CDK14: variants seen among roughly 807,000 people sequenced by gnomAD.
The protein encoded by CDK14 is cyclin-dependent kinase 14.
Under a neutral mutation model 60.7 loss-of-function variants are expected in CDK14, and 34 were observed. The ratio of observed to expected loss-of-function variants is 0.56; its 90% CI spans 0.43 to 0.75. The LOEUF (loss-of-function observed/expected upper bound fraction) is 0.75. Among genes scored for constraint, CDK14 ranks in the 30% least tolerant of loss-of-function variants. CDK14 has a pLI of 0.00. For synonymous variants in CDK14, 197 were observed against 203.7 expected, an observed-to-expected ratio of 0.97 and a Z score of 0.28; for missense variants, 482 against 564.1, an observed-to-expected ratio of 0.85 and a Z score of 1.47.
chr7:91,101,270 G>A (rs1799139998), intron 12 of CDK14, among the ~76,000 whole-genome samples: 1 of 152,162 alleles, frequency 6.6e-6, no homozygotes, highest in Non-Finnish European at 1.5e-5. Context: ...TAAGATGTAA[G>A]TATCAGAAGT....
chr7:91,107,631 A>G (rs767681198), intron 12 of CDK14: 2 of 152,244 alleles, frequency 1.3e-5, no homozygotes, highest in Non-Finnish European at 2.9e-5. Flanking sequence ...TCGTTGTCCA[A>G]GCATTAAAGT....
chr7:90,970,029 C>T (rs937262726), intron 9 of CDK14, among the ~76,000 whole-genome samples: 5 of 149,702 alleles, frequency 3.3e-5, no homozygotes, highest in Non-Finnish European at 5.9e-5. Context: ...TGCAGTGGCA[C>T]AATCTCGGCT....
intron 5 of CDK14, among the ~76,000 whole-genome samples, chr7:90,853,752 T>C (rs1375503412): frequency 6.6e-6 from 1 of 152,178 alleles, no homozygotes; most frequent in African/African-American, 2.4e-5. Context: ...TAAATATGTA[T>C]TGGGTGATTC....
chr7:90,835,318 C>T (rs764420150), intron 5 of CDK14, among the ~76,000 whole-genome samples: 3 of 151,824 alleles, frequency 2.0e-5, no homozygotes, highest in Non-Finnish European at 4.4e-5. Flanking sequence ...GAGTGGAGAA[C>T]TTGAAGTCAA....
chr7:90,598,652 T>C (rs1799245426), intron 1 of CDK14, among the ~76,000 whole-genome samples: 1 of 151,922 alleles, frequency 6.6e-6, no homozygotes. Flanking sequence ...CTTGATGTTT[T>C]ATATTGTATT....
intron 14 of CDK14, among the ~76,000 whole-genome samples, chr7:91,175,354 A>T (rs1801694978): frequency 1.3e-5 from 2 of 152,322 alleles, no homozygotes; most frequent in Middle Eastern, 3.4e-3. Context: ...CTGCAAAATC[A>T]TGCCAAAATG....
At position 91,045,933 on chromosome 7, in the gene CDK14, GTTCATTCT is replaced by G; in HGVS notation, c.1081_1088del (p.His361ThrfsTer4). The stretch of plus-strand genomic sequence containing the variant: ...ACCAAATGAGGACACATGGCCTGGA[GTTCATTCT>G]TTACCACATTTTAAGCCAGGTATGT... On this transcript the variant is annotated frameshift_variant, in exon 11 of 15. Coordinates refer to ENST00000380050, the MANE Select transcript of CDK14 (RefSeq NM_001287135.2). LOFTEE classifies it high-confidence loss of function. 6.2e-7 allele frequency: 1 copy of G among 1,611,538 alleles called. No individual in the cohort carries two copies. The highest frequency in any genetic ancestry group is 8.5e-7 in the Non-Finnish European group (1 of 1,177,778).
chr7:90,627,236 G>T (rs1376431872), intron 2 of CDK14, among the ~76,000 whole-genome samples: 6 of 151,386 alleles, frequency 4.0e-5, no homozygotes, highest in Non-Finnish European at 8.8e-5. Context: ...TTTTTGACAG[G>T]GTCTCCTTTT....
At chr7:90,879,087 G>T (rs1791657573) in intron 6 of CDK14, among the ~76,000 whole-genome samples, 1 of 152,206 alleles carries the variant, frequency 6.6e-6, no homozygotes, top group African/African-American at 2.4e-5. Flanking sequence ...TTGAGCAAAA[G>T]TTACTTGTTA....
chr7:90,617,993 G>A (rs925130017), intron 2 of CDK14, among the ~76,000 whole-genome samples: 3 of 152,262 alleles, frequency 2.0e-5, no homozygotes, highest in East Asian at 3.9e-4. Context: ...CTTTCAATGG[G>A]TGTAAATTGC....
At chr7:90,905,784 G>A (rs894291342) in intron 7 of CDK14, among the ~76,000 whole-genome samples, 2 of 152,122 alleles carry the variant, frequency 1.3e-5, no homozygotes, top group Non-Finnish European at 2.9e-5. Context: ...AAGTCACATA[G>A]GTTCATCATC....
intron 8 of CDK14, among the ~76,000 whole-genome samples, chr7:90,944,955 G>T (rs559474926): frequency 2.0e-5 from 3 of 152,274 alleles, no homozygotes; most frequent in South Asian, 2.1e-4. Context: ...TAATTTTGAA[G>T]GATATGTAGG....
At chr7:90,646,316 T>C (rs1438561921) in intron 2 of CDK14, among the ~76,000 whole-genome samples, 1 of 136,488 alleles carries the variant, frequency 7.3e-6, no homozygotes, top group East Asian at 2.3e-4. Flanking sequence ...TTTTTTTTTT[T>C]AATTCTGCTG....
At chr7:91,150,725 T>C (rs984789769) in intron 14 of CDK14, among the ~76,000 whole-genome samples, 1 of 152,228 alleles carries the variant, frequency 6.6e-6, no homozygotes, top group African/African-American at 2.4e-5. Flanking sequence ...CATGTTAGAA[T>C]TACTGTTAAT....
At chr7:91,137,936 A>G (rs1313475194) in intron 14 of CDK14, among the ~76,000 whole-genome samples, 1 of 152,190 alleles carries the variant, frequency 6.6e-6, no homozygotes, top group East Asian at 1.9e-4. Flanking sequence ...CAACATTAAC[A>G]CAACTCTGGC....
intron 5 of CDK14, among the ~76,000 whole-genome samples, chr7:90,792,529 A>T (rs948242196): frequency 5.9e-5 from 9 of 152,096 alleles, no homozygotes; most frequent in Admixed American, 5.9e-4. Context: ...AAATGAAACC[A>T]TGTTCTCCCT....
intron 5 of CDK14, among the ~76,000 whole-genome samples, chr7:90,821,218 A>G (rs1192311796): frequency 6.6e-6 from 1 of 152,146 alleles, no homozygotes; most frequent in African/African-American, 2.4e-5. Flanking sequence ...GGTTTATTGG[A>G]GAATGATTCA....
chr7:90,677,831 G>T (rs761472207), intron 2 of CDK14, among the ~76,000 whole-genome samples: 5 of 152,176 alleles, frequency 3.3e-5, no homozygotes, highest in Non-Finnish European at 2.9e-5. Flanking sequence ...ATGGGAGCAA[G>T]TGTTACAATT....
intron 2 of CDK14, among the ~76,000 whole-genome samples, chr7:90,691,648 A>G (rs909681474): frequency 1.3e-5 from 2 of 152,160 alleles, no homozygotes; most frequent in African/African-American, 2.4e-5. Flanking sequence ...TCCATTTCAA[A>G]AAGATGACTT....
Sources: gnomAD v4.1 joint callset for allele counts (sites outside exome capture counted in the v4.1 genomes callset) on GRCh38, gnomAD v4.1.1 for gene constraint, MANE v1.5 for transcripts, NCBI Gene and HGNC (gene_info 2026-07-23, HGNC 2026-07-21) for gene names.